The following SV2C variants were observed in gnomAD, a reference collection of about 807,000 sequenced individuals.
SV2C encodes the protein solute carrier family 22 member B3.
A neutral mutation model predicts 79.7 loss-of-function variants in SV2C; 49 were observed. The observed-to-expected ratio is 0.61, with a 90% CI of 0.49 to 0.78. The LOEUF (loss-of-function observed/expected upper bound fraction) is 0.78. Among genes scored for constraint, SV2C ranks in the 30% least tolerant of loss-of-function variants. SV2C has a pLI of 0.00. For synonymous variants in SV2C, 334 were observed against 333.2 expected, an observed-to-expected ratio of 1.00 and a Z score of -0.03; for missense variants, 833 against 912.9, an observed-to-expected ratio of 0.91 and a Z score of 1.13.
chr5:76,164,048 G>C (rs766754037), intron 2 of SV2C, among the ~76,000 whole-genome samples: 9 of 152,158 alleles, frequency 5.9e-5, no homozygotes, highest in Admixed American at 2.0e-4. Context: ...CTGAAATTTG[G>C]GAAAATAGGT....
At chr5:76,016,945 G>A in the SV2C span, among the ~76,000 whole-genome samples, 4 of 152,222 alleles carry the variant, frequency 2.6e-5, no homozygotes, top group East Asian at 3.8e-4. Flanking sequence ...CACCTGCGCT[G>A]TGCGTCAAAG....
chr5:76,073,444 C>G, the SV2C span, among the ~76,000 whole-genome samples: 4 of 143,138 alleles, frequency 2.8e-5, no homozygotes, highest in Admixed American at 1.4e-4. Context: ...AAATATGGAT[C>G]CAGCCCAAAT....
the SV2C span, chr5:76,075,638 A>C: frequency 4.0e-6 from 1 of 249,348 alleles, no homozygotes; most frequent in Non-Finnish European, 8.5e-6. Context: ...AGTGAGTGGC[A>C]GATCCACACT....
the SV2C span, among the ~76,000 whole-genome samples, chr5:76,032,933 G>A: frequency 6.6e-6 from 1 of 152,100 alleles, no homozygotes; most frequent in African/African-American, 2.4e-5. Context: ...TTTAATGATT[G>A]CCATTCTAAC....
At chr5:76,239,038 G>A (rs1172821895) in intron 4 of SV2C, among the ~76,000 whole-genome samples, 1 of 151,994 alleles carries the variant, frequency 6.6e-6, no homozygotes, top group Non-Finnish European at 1.5e-5. Flanking sequence ...TAAGTATCTG[G>A]TGCCTTCAAC....
At chr5:75,898,926 A>G in the SV2C span, among the ~76,000 whole-genome samples, 13 of 152,048 alleles carry the variant, frequency 8.5e-5, no homozygotes, top group East Asian at 2.5e-3. Context: ...CCCCTTTGTC[A>G]TTTTTTATTG....
chr5:75,916,033 G>C, the SV2C span, among the ~76,000 whole-genome samples: 1 of 152,154 alleles, frequency 6.6e-6, no homozygotes, highest in Non-Finnish European at 1.5e-5. Context: ...CTAAGGAATG[G>C]AAATATCTTT....
chr5:76,248,937 A>T (rs1224646005), intron 4 of SV2C, among the ~76,000 whole-genome samples: 1 of 152,172 alleles, frequency 6.6e-6, no homozygotes, highest in Non-Finnish European at 1.5e-5. Context: ...CAATTTTTGA[A>T]TGACTGAATG....
chr5:76,249,182 A>G (rs890916407), intron 4 of SV2C, among the ~76,000 whole-genome samples: 1 of 152,216 alleles, frequency 6.6e-6, no homozygotes, highest in African/African-American at 2.4e-5. Flanking sequence ...GGAAGTATAC[A>G]CACAGAAGTT....
the SV2C span, among the ~76,000 whole-genome samples, chr5:76,027,084 G>A: frequency 2.2e-5 from 3 of 134,990 alleles, no homozygotes; most frequent in African/African-American, 5.6e-5. Context: ...TTTTTGAGAC[G>A]GAGTTTCGCT....
the SV2C span, among the ~76,000 whole-genome samples, chr5:75,964,297 C>T: frequency 2.0e-5 from 3 of 152,134 alleles, no homozygotes; most frequent in Non-Finnish European, 2.9e-5. Flanking sequence ...AGGAACTACC[C>T]GCTCACCAGG....
At chr5:76,268,656 A>G (rs1746742712) in intron 4 of SV2C, among the ~76,000 whole-genome samples, 2 of 152,200 alleles carry the variant, frequency 1.3e-5, no homozygotes, top group South Asian at 4.1e-4. Context: ...TTTCTGTGGT[A>G]ATAACCATTT....
At chr5:76,152,092 T>G (rs1345653160) in intron 2 of SV2C, among the ~76,000 whole-genome samples, 1 of 151,944 alleles carries the variant, frequency 6.6e-6, no homozygotes, top group African/African-American at 2.4e-5. Flanking sequence ...AAAAAGGATT[T>G]CAGGAAGGAG....
downstream of SV2C, among the ~76,000 whole-genome samples, chr5:76,335,867 G>T (rs1020682258): frequency 3.0e-4 from 46 of 152,184 alleles, no homozygotes; most frequent in African/African-American, 1.1e-3. Context: ...ATCCTTTCTC[G>T]GCCTTTCCCC....
chr5:76,353,114 AAT>A lies in SV2C; in HGVS notation c.2001-15_2001-14del, dbSNP rs1491237805. 369 of 181,534 alleles carry A rather than the reference AAT, an allele frequency of 2.0e-3. 1 individual carries two copies. The highest frequency in any genetic ancestry group is 4.0e-3 in the Non-Finnish European group (274 of 68,804). 11.2% of individuals were successfully genotyped at this position (181,534 alleles called of 1,614,324 possible). On this transcript the variant is annotated splice_polypyrimidine_tract_variant and intron_variant, in intron 12 of 12. Coordinates refer to the SV2C transcript ENST00000322285. ...AGCCACCATGCCCAGCTAATTTTTT[AAT>A]TTTTTTTTTGTAGACGCAGAGTCTT...
At chr5:75,848,467 C>T in the SV2C span, among the ~76,000 whole-genome samples, 1 of 152,294 alleles carries the variant, frequency 6.6e-6, no homozygotes, top group African/African-American at 2.4e-5. Flanking sequence ...ACAGAACATT[C>T]AGCTCACTAA....
intron 1 of SV2C, 93 bp from the exon 2 acceptor site, chr5:76,131,557 T>C (rs916636989): frequency 1.7e-5 from 7 of 416,488 alleles, no homozygotes; most frequent in Non-Finnish European, 2.5e-5. Flanking sequence ...TGTTGTAGTT[T>C]GTGGGACACT....
At chr5:76,001,998 GC>G in the SV2C span, among the ~76,000 whole-genome samples, 1 of 151,314 alleles carries the variant, frequency 6.6e-6, no homozygotes, top group African/African-American at 2.4e-5. Context: ...TCATTCTTAT[GC>G]CTTTGTATCC....
chr5:76,017,757 T>TA, the SV2C span, among the ~76,000 whole-genome samples: 1 of 152,212 alleles, frequency 6.6e-6, no homozygotes, highest in Non-Finnish European at 1.5e-5. Flanking sequence ...AGGGGAAAGC[T>TA]AAAATCCACC....
Sources: gnomAD v4.1 joint callset for allele counts (sites outside exome capture counted in the v4.1 genomes callset) on GRCh38, gnomAD v4.1.1 for gene constraint, MANE v1.5 for transcripts, NCBI Gene and HGNC (gene_info 2026-07-23, HGNC 2026-07-21) for gene names.